LCE5A: variants seen among roughly 807,000 people sequenced by gnomAD.
LCE5A encodes late cornified envelope protein 5A.
For synonymous variants in LCE5A, 51 were observed against 54.2 expected (o/e 0.94, Z 0.26); for missense variants, 139 against 147.2 (o/e 0.94, Z 0.29).
In LCE5A at chr1:152,512,032, T is replaced by C. The variant is rs1440797968; in HGVS notation, c.*141T>C. 2.7e-6 allele frequency: 2 copies of C among 728,194 alleles called. No homozygotes were observed. Among genetic ancestry groups the C allele is most frequent in the East Asian group, 2.7e-5 (1 of 36,804 alleles). The allele number at this position is 728,194 out of a possible 1,614,324, so 45.1% of individuals were successfully genotyped here. ...TAAGTTCCCCTCTTTATCCTGCCCA[T>C]GTTCACTCCATTGTAGGGTTGAAGT... On this transcript the variant is annotated 3_prime_UTR_variant, in exon 2 of 2. Coordinates refer to ENST00000334269, the MANE Select transcript of LCE5A (RefSeq NM_178438.5).
In LCE5A at chr1:152,510,973, G is replaced by A. The variant is rs573937954; in HGVS notation, c.-47G>A. On this transcript the variant is annotated 5_prime_UTR_variant, in exon 1 of 2. Transcript: ENST00000334269. ...ATAAAGAAGGATTTTGGAGGGGAAG[G>A]TTCTTCTGGAAGGGGAGGGTGGAAG... The A allele has an allele frequency of 6.6e-6, 1 of 152,588 alleles. No homozygotes were observed. Among genetic ancestry groups the A allele is most frequent in the African/African-American group, 2.4e-5 (1 of 41,430 alleles). The allele number at this position is 152,588 out of a possible 1,614,324, so 9.5% of individuals were successfully genotyped here.
Position 152,511,726 on chromosome 1 carries a change from T to A in LCE5A, c.192T>A (p.Gly64=). The change falls in exon 2 of 2, where the codon GGT becomes GGA. Residue 64 remains glycine (G), a synonymous_variant. Transcript: ENST00000334269. ...CTGGGGGCTGCTGCAGCTCTGAGGG[T>A]GGTGGCTGCTGCCTGAGCCACCACA... ...SSSGGCCSSE[G]GGCCLSHHRP... 1 of 1,613,530 alleles carries A rather than the reference T, an allele frequency of 6.2e-7. No homozygotes were observed. Among genetic ancestry groups the A allele is most frequent in the South Asian group, 1.1e-5 (1 of 91,026 alleles).
Position 152,511,946 on chromosome 1 carries a change from A to C in LCE5A, c.*55A>C, listed in dbSNP as rs1182958744. ...GACTGGCAGATCCCAGGTGCTGAAG[A>C]TGTGTGTCAGCCTGAGGCTTCTTTT... On this transcript the variant is annotated 3_prime_UTR_variant, in exon 2 of 2. Transcript: ENST00000334269. The C allele has an allele frequency of 1.0e-5, 15 of 1,493,274 alleles. No homozygotes were observed. The highest frequency in any genetic ancestry group is 1.4e-5 in the African/African-American group (1 of 71,562). 92.5% of individuals were successfully genotyped at this position (1,493,274 alleles called of 1,614,324 possible).
In LCE5A at chr1:152,511,792, C is replaced by T; in HGVS notation, c.258C>T (p.Ser86=). The T allele has an allele frequency of 2.5e-6, 4 of 1,613,924 alleles. No homozygotes were observed. Among genetic ancestry groups the T allele is most frequent in the Non-Finnish European group, 3.4e-6 (4 of 1,179,864 alleles). Residue 86 remains serine (S), a synonymous_variant, in exon 2 of 2, where the codon AGC becomes AGT. Transcript: ENST00000334269. ...QSLRRRPQSS[S]CCGSGSGQQS... is the part of the protein sequence containing the mutation. ...TCCGACGCCGACCTCAGAGTTCCAG[C>T]TGCTGTGGCAGTGGCAGTGGCCAGC...
At position 152,512,044 on chromosome 1, in the gene LCE5A, T is replaced by C. The variant is rs1658603396; in HGVS notation, c.*153T>C. On this transcript the variant is annotated 3_prime_UTR_variant, in exon 2 of 2. Transcript: ENST00000334269. The stretch of plus-strand genomic sequence containing the variant: ...TTTATCCTGCCCATGTTCACTCCAT[T>C]GTAGGGTTGAAGTCTAGCTTGTGAT... 1.4e-6 allele frequency: 1 copy of C among 692,358 alleles called. No homozygotes were observed. Among genetic ancestry groups the C allele is most frequent in the African/African-American group, 1.8e-5 (1 of 55,310 alleles). 42.9% of individuals were successfully genotyped at this position (692,358 alleles called of 1,614,324 possible).
At position 152,511,519 on chromosome 1, in the gene LCE5A, T is replaced by C; in HGVS notation, c.-16T>C. 1 of 1,611,308 alleles carries C rather than the reference T, an allele frequency of 6.2e-7. No individual in the cohort carries two copies. The highest frequency in any genetic ancestry group is 8.5e-7 in the Non-Finnish European group (1 of 1,177,442). On this transcript the variant is annotated 5_prime_UTR_variant, in exon 2 of 2. Coordinates refer to ENST00000334269, the MANE Select transcript of LCE5A (RefSeq NM_178438.5). Reference sequence around the variant, plus strand: ...GGGCTTGTATTGTCTTTCAGCTTTATTCAGCTTCTACAGAGATGTCCTGCC... The same window carrying C: ...GGGCTTGTATTGTCTTTCAGCTTTACTCAGCTTCTACAGAGATGTCCTGCC...
rs1658586393 is a variant in LCE5A, at chr1:152,511,764, C to T, written c.230C>T (p.Ser77Phe). ...CTGAGCCACCACAGGCCCCGCCAGTCCCTCCGACGCCGACCTCAGAGTTCC... is the reference window on the plus strand; with the variant it reads ...CTGAGCCACCACAGGCCCCGCCAGTTCCTCCGACGCCGACCTCAGAGTTCC... ...CCLSHHRPRQ[S>F]LRRRPQSSSC... is the part of the protein sequence containing the mutation. The change falls in exon 2 of 2, where the codon TCC (serine) becomes TTC (phenylalanine). Residue 77 changes from serine (S) to phenylalanine (F), a missense_variant. By Grantham distance (155) the Ser-to-Phe change is radical. Coordinates refer to ENST00000334269, the MANE Select transcript of LCE5A (RefSeq NM_178438.5). 2 of 1,613,946 alleles carry T rather than the reference C, an allele frequency of 1.2e-6. No homozygotes were observed. The highest frequency in any genetic ancestry group is 1.6e-4 in the Middle Eastern group (1 of 6,062).
At chr1:152,511,428 C>T in intron 1 of LCE5A, 86 bp from the exon 2 acceptor site, 1 of 845,208 alleles carries the variant, frequency 1.2e-6, no homozygotes, top group South Asian at 1.6e-5. Context: ...ATAATAAATT[C>T]TGGTCATCTT....
At position 152,512,005 on chromosome 1, in the gene LCE5A, C is replaced by T; in HGVS notation, c.*114C>T. The T allele has an allele frequency of 1.1e-6, 1 of 925,360 alleles. No individual in the cohort carries two copies. 57.3% of individuals were successfully genotyped at this position (925,360 alleles called of 1,614,324 possible). A position where few individuals can be genotyped will look rare whatever the true frequency, so the allele number is the denominator to read the frequency against. On this transcript the variant is annotated 3_prime_UTR_variant, in exon 2 of 2. Coordinates refer to ENST00000334269, the MANE Select transcript of LCE5A (RefSeq NM_178438.5). ...TCCCATGGAAGGACTTCGGAAATGC[C>T]TTAAGTTCCCCTCTTTATCCTGCCC...
At position 152,511,801 on chromosome 1, in the gene LCE5A, C is replaced by T. The variant is rs562585389; in HGVS notation, c.267C>T (p.Gly89=). The T allele has an allele frequency of 6.2e-7, 1 of 1,613,848 alleles. No individual in the cohort carries two copies. The highest frequency in any genetic ancestry group is 8.5e-7 in the Non-Finnish European group (1 of 1,179,812). Reference sequence around the variant, plus strand: ...GACCTCAGAGTTCCAGCTGCTGTGGCAGTGGCAGTGGCCAGCAGTCTGGGG... The same window carrying T: ...GACCTCAGAGTTCCAGCTGCTGTGGTAGTGGCAGTGGCCAGCAGTCTGGGG... ...RRRPQSSSCC[G]SGSGQQSGGS... The change falls in exon 2 of 2, where the codon GGC becomes GGT. Residue 89 remains glycine, a synonymous_variant. Transcript: ENST00000334269.
At position 152,511,940 on chromosome 1, in the gene LCE5A, C is replaced by T; in HGVS notation, c.*49C>T. The T allele has an allele frequency of 6.6e-7, 1 of 1,519,642 alleles. No individual in the cohort carries two copies. The highest frequency in any genetic ancestry group is 1.4e-5 in the African/African-American group (1 of 72,306). 94.1% of individuals were successfully genotyped at this position (1,519,642 alleles called of 1,614,324 possible). A position where few individuals can be genotyped will look rare whatever the true frequency, so the allele number is the denominator to read the frequency against. ...GAGAAGGACTGGCAGATCCCAGGTG[C>T]TGAAGATGTGTGTCAGCCTGAGGCT... On this transcript the variant is annotated 3_prime_UTR_variant, in exon 2 of 2. Transcript: ENST00000334269.
intron 1 of LCE5A, among the ~76,000 whole-genome samples, chr1:152,511,203 T>A (rs1658559301): frequency 6.6e-6 from 1 of 151,834 alleles, no homozygotes; most frequent in African/African-American, 2.4e-5. Context: ...GGTGGGCGGG[T>A]CAAGAGGTCA....
In LCE5A at chr1:152,511,763, T is replaced by C. The variant is rs113564853; in HGVS notation, c.229T>C (p.Ser77Pro). 1.9e-6 allele frequency: 3 copies of C among 1,613,852 alleles called. No individual in the cohort carries two copies. The highest frequency in any genetic ancestry group is 1.1e-5 in the South Asian group (1 of 91,074). ...CCTGAGCCACCACAGGCCCCGCCAGTCCCTCCGACGCCGACCTCAGAGTTC... is the reference window on the plus strand; with the variant it reads ...CCTGAGCCACCACAGGCCCCGCCAGCCCCTCCGACGCCGACCTCAGAGTTC... Reference protein sequence around the residue: ...CCLSHHRPRQSLRRRPQSSSC... With the variant: ...CCLSHHRPRQPLRRRPQSSSC... The change falls in exon 2 of 2, where the codon TCC becomes CCC. Residue 77 changes from serine to proline, a missense_variant. By Grantham distance (74) the Ser-to-Pro change is moderately conservative (BLOSUM62 -1). Transcript: ENST00000334269.
chr1:152,511,881 G>A lies in LCE5A; in HGVS notation c.347G>A (p.Gly116Asp). The A allele has an allele frequency of 2.5e-6, 4 of 1,611,532 alleles. No homozygotes were observed. The highest frequency in any genetic ancestry group is 3.4e-6 in the Non-Finnish European group (4 of 1,178,660). ...TCTGGCTGCTGCCACAGCTCTGGAG[G>A]CTGCTGCTGACCTGGGCCATGAGGA... ...GGSGCCHSSG[G>D]CC Residue 116 changes from glycine (G) to aspartate (D), a missense_variant, in exon 2 of 2, where the codon GGC becomes GAC. Coordinates refer to ENST00000334269, the MANE Select transcript of LCE5A (RefSeq NM_178438.5).
At position 152,511,728 on chromosome 1, in the gene LCE5A, G is replaced by T; in HGVS notation, c.194G>T (p.Gly65Val). The change falls in exon 2 of 2, where the codon GGT becomes GTT. Residue 65 changes from glycine (G) to valine (V), a missense_variant. By Grantham distance (109) the Gly-to-Val change is moderately radical (BLOSUM62 -3). Transcript: ENST00000334269. ...SSGGCCSSEG[G>V]GCCLSHHRPR... ...GGGGGCTGCTGCAGCTCTGAGGGTG[G>T]TGGCTGCTGCCTGAGCCACCACAGG... 1 of 1,613,984 alleles carries T rather than the reference G, an allele frequency of 6.2e-7. No homozygotes were observed. Among genetic ancestry groups the T allele is most frequent in the Non-Finnish European group, 8.5e-7 (1 of 1,179,936 alleles).
At chr1:152,511,398 AAATAAT>A (rs1217687725) in intron 1 of LCE5A, 110 bp from the exon 2 acceptor site, 2 of 740,044 alleles carry the variant, frequency 2.7e-6, no homozygotes, top group African/African-American at 3.6e-5. Flanking sequence ...ACTCCATCCC[AAATAAT>A]AATAATAATC....
At chr1:152,511,446 A>G in intron 1 of LCE5A, 68 bp from the exon 2 acceptor site, 1 of 1,004,838 alleles carries the variant, frequency 1.0e-6, no homozygotes, top group Non-Finnish European at 1.5e-6. Flanking sequence ...CTTAGAGATA[A>G]AATCTTGTGA....
At position 152,511,861 on chromosome 1, in the gene LCE5A, C is replaced by T. The variant is rs1056328479; in HGVS notation, c.327C>T (p.Gly109=). Reference sequence around the variant, plus strand: ...GCTGCCACAGCTCTGGGGGCTCTGGCTGCTGCCACAGCTCTGGAGGCTGCT... The same window carrying T: ...GCTGCCACAGCTCTGGGGGCTCTGGTTGCTGCCACAGCTCTGGAGGCTGCT... ...SSCCHSSGGS[G]CCHSSGGCC Residue 109 remains glycine (G), a synonymous_variant, in exon 2 of 2, where the codon GGC becomes GGT. Coordinates refer to ENST00000334269, the MANE Select transcript of LCE5A (RefSeq NM_178438.5). 5.9e-5 allele frequency: 95 copies of T among 1,613,302 alleles called. No homozygotes were observed. The highest frequency in any genetic ancestry group is 2.0e-4 in the Admixed American group (12 of 59,980).
chr1:152,511,983 C>A lies in LCE5A; in HGVS notation c.*92C>A. The A allele has an allele frequency of 8.3e-7, 1 of 1,206,224 alleles. No individual in the cohort carries two copies. The highest frequency in any genetic ancestry group is 1.2e-6 in the Non-Finnish European group (1 of 865,346). 74.7% of individuals were successfully genotyped at this position (1,206,224 alleles called of 1,614,324 possible). The stretch of plus-strand genomic sequence containing the variant: ...CTGAGGCTTCTTTTCTCTCATTTCC[C>A]ATGGAAGGACTTCGGAAATGCCTTA... On this transcript the variant is annotated 3_prime_UTR_variant, in exon 2 of 2. Transcript: ENST00000334269.
Sources: gnomAD v4.1 joint callset for allele counts (sites outside exome capture counted in the v4.1 genomes callset) on GRCh38, gnomAD v4.1.1 for gene constraint, MANE v1.5 for transcripts, NCBI Gene and HGNC (gene_info 2026-07-23, HGNC 2026-07-21) for gene names.